LINGO1: variants seen among roughly 807,000 people sequenced by gnomAD.
The protein encoded by LINGO1 is leucine-rich repeat and immunoglobulin-like domain-containing nogo receptor-interacting protein 1.
In LINGO1, 11 loss-of-function variants were observed where a neutral mutation model predicts 37.3. The observed-to-expected ratio is 0.29, with a 90% CI of 0.19 to 0.49. LINGO1 has a LOEUF of 0.49. Among genes scored for constraint, LINGO1 ranks in the 20% least tolerant of loss-of-function variants. LINGO1 has a pLI of 0.99. For missense variants in LINGO1, 585 were observed against 878.2 expected (o/e 0.67, Z 4.22); for synonymous variants, 387 against 403.0 (o/e 0.96, Z 0.48).
chr15:77,800,406 C>T (rs2141461503), intron 1 of LINGO1, among the ~76,000 whole-genome samples: 1 of 152,242 alleles, frequency 6.6e-6, no homozygotes, highest in East Asian at 1.9e-4. Context: ...CTGAGAGAGA[C>T]AGAGCAGCAG....
At chr15:77,621,528 G>A (rs1328328013) in intron 1 of LINGO1, among the ~76,000 whole-genome samples, 1 of 152,218 alleles carries the variant, frequency 6.6e-6, no homozygotes, top group Non-Finnish European at 1.5e-5. Context: ...CCTGCTCCAA[G>A]AGCTGCCTGG....
At chr15:77,740,691 G>T (rs115264646) in intron 1 of LINGO1, among the ~76,000 whole-genome samples, 1 of 152,338 alleles carries the variant, frequency 6.6e-6, no homozygotes, top group African/African-American at 2.4e-5. Flanking sequence ...TGGAGGGGCA[G>T]GGTGGGGCTT....
At chr15:77,786,437 G>A (rs1202694052) in intron 1 of LINGO1, among the ~76,000 whole-genome samples, 2 of 152,136 alleles carry the variant, frequency 1.3e-5, no homozygotes, top group Non-Finnish European at 2.9e-5. Flanking sequence ...CCCCTCCCTG[G>A]TGGCCCAGAC....
At position 77,632,898 on chromosome 15, in the gene LINGO1, C is replaced by A. The variant is rs1326783222; in HGVS notation, c.-583G>T. Among the ~76,000 whole-genome samples, 4 of 150,446 alleles carry A rather than the reference C, an allele frequency of 2.7e-5. No homozygotes were observed. The East Asian group carries it at 8.0e-4, about 30-fold the overall frequency. On this transcript the variant is annotated 5_prime_UTR_variant, in exon 1 of 2. Coordinates refer to ENST00000355300, the MANE Select transcript of LINGO1 (RefSeq NM_032808.7). This position sits in a 1 kb window ranked among gnomAD's most constrained non-coding sequence, Gnocchi z 6.0. The stretch of plus-strand genomic sequence containing the variant: ...TCGGGCTCCGCGCTCTGCAGCGGCG[C>A]GGGGAGGGAGCACTAGGAGCGAGCC...
chr15:77,702,003 G>T (rs1473484654), intron 2 of LINGO1, among the ~76,000 whole-genome samples: 1 of 152,200 alleles, frequency 6.6e-6, no homozygotes, highest in Non-Finnish European at 1.5e-5. Context: ...CAAGCCACCT[G>T]GGGGCTGAGG....
intron 2 of LINGO1, among the ~76,000 whole-genome samples, chr15:77,732,361 G>A (rs1416376344): frequency 2.6e-5 from 4 of 152,238 alleles, no homozygotes; most frequent in African/African-American, 9.6e-5. Flanking sequence ...AAGTTCCCAA[G>A]TATAGGATGT....
Position 77,664,160 on chromosome 15 carries a change from T to C in LINGO1, c.-13+12929A>G, listed in dbSNP as rs568582488. Among the ~76,000 whole-genome samples, 851 of 115,006 alleles carry C rather than the reference T, an allele frequency of 7.4e-3. 2 individuals carry two copies. Among genetic ancestry groups the C allele is most frequent in the African/African-American group, 0.016 (442 of 27,658 alleles). The allele number at this position is 115,006 out of a possible 152,430, so 75.4% of individuals were successfully genotyped here. On this transcript the variant is annotated intron_variant, in intron 3 of 3. Transcript: ENST00000559893. ...GTGTGTGTGTGTGTGTGTGTGTGTG[T>C]GTGTGTGTGTGCGCGCGCGCATGCG... is the stretch of plus-strand genomic sequence containing the variant.
At chr15:77,673,190 T>A (rs2075278721) in intron 3 of LINGO1, among the ~76,000 whole-genome samples, 1 of 152,152 alleles carries the variant, frequency 6.6e-6, no homozygotes, top group African/African-American at 2.4e-5. Flanking sequence ...CCAATATTTT[T>A]AAAATTCTGC....
intron 2 of LINGO1, among the ~76,000 whole-genome samples, chr15:77,720,068 G>T (rs1033804375): frequency 1.3e-5 from 2 of 149,834 alleles, no homozygotes; most frequent in Non-Finnish European, 3.0e-5. Context: ...CTGCTGACTT[G>T]CATCCACCTC....
chr15:77,731,918 C>G (rs1262064990), intron 2 of LINGO1, among the ~76,000 whole-genome samples: 2 of 152,168 alleles, frequency 1.3e-5, no homozygotes, highest in African/African-American at 4.8e-5. Flanking sequence ...CCGCCTCCCC[C>G]ACCACAACCA....
intron 3 of LINGO1, among the ~76,000 whole-genome samples, chr15:77,664,162 T>C (rs535641972): frequency 0.015 from 1,699 of 113,126 alleles, 26 homozygotes; most frequent in African/African-American, 0.044. Context: ...TGTGTGTGTG[T>C]GTGTGTGTGC....
chr15:77,782,247 G>T (rs896989272), intron 1 of LINGO1, among the ~76,000 whole-genome samples: 1 of 147,654 alleles, frequency 6.8e-6, no homozygotes, highest in South Asian at 2.2e-4. Context: ...ACACACACAC[G>T]TGCCCGCATA....
intron 2 of LINGO1, among the ~76,000 whole-genome samples, chr15:77,680,067 A>G (rs1381465702): frequency 6.6e-6 from 1 of 152,210 alleles, no homozygotes; most frequent in African/African-American, 2.4e-5. Flanking sequence ...AACAAAAGCG[A>G]TGCGTGTCAT....
At chr15:77,777,261 T>A (rs1013698372) in intron 1 of LINGO1, among the ~76,000 whole-genome samples, 2 of 100,242 alleles carry the variant, frequency 2.0e-5, no homozygotes, top group Admixed American at 1.8e-4. Flanking sequence ...GTTGTTATCA[T>A]GGTGGGGGGG....
Position 77,632,820 on chromosome 15 carries a change from C to T in LINGO1, c.-505G>A, listed in dbSNP as rs2074304240. ...CGGGACCAGGACCCACCGCCGCCGC[C>T]GCCGCCTGCGCTGTCGCCCGCCGCC... On this transcript the variant is annotated 5_prime_UTR_variant, in exon 1 of 2. Transcript: ENST00000355300. This position sits in a 1 kb window ranked among gnomAD's most constrained non-coding sequence, Gnocchi z 6.0. Among the ~76,000 whole-genome samples, 1 of 148,130 alleles carries T rather than the reference C, an allele frequency of 6.8e-6. No individual in the cohort carries two copies. The highest frequency in any genetic ancestry group is 6.7e-5 in the Admixed American group (1 of 14,936).
In LINGO1 at chr15:77,702,010, G is replaced by A. The variant is rs539870248; in HGVS notation, c.-194-11109C>T. Among the ~76,000 whole-genome samples, 12 of 152,316 alleles carry A rather than the reference G, an allele frequency of 7.9e-5. No individual in the cohort carries two copies. The East Asian group carries it at 2.3e-3, about 29-fold the overall frequency. On this transcript the variant is annotated intron_variant, in intron 2 of 3. Coordinates refer to the LINGO1 transcript ENST00000561686. Reference sequence around the variant, plus strand: ...CTAGGACCCAAGCCACCTGGGGGCTGAGGCTAGTAGAGGGTGTCAGGGAGG... The same window carrying A: ...CTAGGACCCAAGCCACCTGGGGGCTAAGGCTAGTAGAGGGTGTCAGGGAGG...
chr15:77,633,448 G>T (rs953621080), upstream of LINGO1, among the ~76,000 whole-genome samples: 4 of 152,226 alleles, frequency 2.6e-5, no homozygotes, highest in African/African-American at 9.6e-5. Context: ...TCCTGGCCCT[G>T]TCCCCTCCTC....
At chr15:77,669,753 CA>C (rs147148313) in intron 3 of LINGO1, among the ~76,000 whole-genome samples, 1,753 of 152,232 alleles carry the variant, frequency 0.012, 43 homozygotes, top group African/African-American at 0.04. Flanking sequence ...AGTGAAGGGG[CA>C]AAGATAATGC....
intron 2 of LINGO1, among the ~76,000 whole-genome samples, chr15:77,719,153 C>T (rs2076019228): frequency 6.7e-6 from 1 of 149,704 alleles, no homozygotes; most frequent in South Asian, 2.2e-4. Flanking sequence ...CTCCCAGGGG[C>T]ACCTCCTGGG....
Sources: allele counts gnomAD v4.1 joint callset (sites outside exome capture counted in the v4.1 genomes callset), GRCh38; gene constraint gnomAD v4.1.1; non-coding constraint Gnocchi (gnomAD v3.1); transcripts MANE v1.5; gene names NCBI Gene and HGNC (gene_info 2026-07-23, HGNC 2026-07-21).